Variants in TVP23C observed in about 807,000 individuals in gnomAD.
TVP23C encodes Golgi apparatus membrane protein TVP23 homolog C.
A neutral mutation model predicts 28.7 loss-of-function variants in TVP23C; 19 were observed. That is an observed-to-expected ratio of 0.66 (90% confidence interval 0.46 to 0.97). The LOEUF (loss-of-function observed/expected upper bound fraction) is 0.97. Among genes scored for constraint, TVP23C ranks in the 50% least tolerant of loss-of-function variants. TVP23C has a pLI of 0.00. For synonymous variants in TVP23C, 68 were observed against 81.7 expected (o/e 0.83, Z 0.90); for missense variants, 186 against 241.3 (o/e 0.77, Z 1.52).
At position 15,562,343 on chromosome 17, in the gene TVP23C, C is replaced by G. The variant is rs544359098; in HGVS notation, c.12+1094G>C. 2.4e-3 allele frequency: 359 copies of G among 152,682 alleles called. 1 individual carries two copies. The highest frequency in any genetic ancestry group is 4.1e-3 in the Non-Finnish European group (283 of 68,348). 9.5% of individuals were successfully genotyped at this position (152,682 alleles called of 1,614,324 possible). On this transcript the variant is annotated intron_variant, in intron 1 of 5. Coordinates refer to ENST00000518321, the MANE Select transcript of TVP23C (RefSeq NM_001135036.2). ...AAGCGATTCTCCTGCCTCAGCCTCCCGAGTAGCTGGGACTACAGGCGTGCA... is the reference window on the plus strand; with the variant it reads ...AAGCGATTCTCCTGCCTCAGCCTCCGGAGTAGCTGGGACTACAGGCGTGCA...
intron 3 of TVP23C, among the ~76,000 whole-genome samples, chr17:15,552,196 C>G (rs567793616): frequency 3.9e-5 from 6 of 152,230 alleles, no homozygotes; most frequent in Non-Finnish European, 8.8e-5. Flanking sequence ...AAACGTGTAT[C>G]AAAACTGTGA....
intron 5 of TVP23C, among the ~76,000 whole-genome samples, chr17:15,542,368 T>C (rs986627391): frequency 6.6e-6 from 1 of 152,218 alleles, no homozygotes; most frequent in African/African-American, 2.4e-5. Context: ...TGAGAGATGA[T>C]CATCTTAAGA....
chr17:15,553,636 A>G (rs746723874), intron 3 of TVP23C, 49 bp downstream of exon 3: 2 of 1,551,300 alleles, frequency 1.3e-6, no homozygotes, highest in South Asian at 2.5e-5. Context: ...ATTTTTATAC[A>G]TCATTTTCAT....
chr17:15,548,259 C>T (rs1327579349), intron 3 of TVP23C, among the ~76,000 whole-genome samples: 3 of 152,164 alleles, frequency 2.0e-5, no homozygotes, highest in East Asian at 1.9e-4. Flanking sequence ...CTCTGCCTCC[C>T]GGGTTCAAAC....
Position 15,563,450 on chromosome 17 carries a change from G to A in TVP23C, c.-2C>T. ...TCAGCCCCTCACCTGCTGCAACATGGCGGCCCTACGCCAGCCCTGCTTCCA... is the reference window on the plus strand; with the variant it reads ...TCAGCCCCTCACCTGCTGCAACATGACGGCCCTACGCCAGCCCTGCTTCCA... On this transcript the variant is annotated 5_prime_UTR_variant, in exon 1 of 6. Coordinates refer to ENST00000518321, the MANE Select transcript of TVP23C (RefSeq NM_001135036.2). The A allele has an allele frequency of 1.3e-6, 2 of 1,588,926 alleles. No individual in the cohort carries two copies. The highest frequency in any genetic ancestry group is 8.6e-7 in the Non-Finnish European group (1 of 1,169,492).
intron 5 of TVP23C, among the ~76,000 whole-genome samples, chr17:15,527,752 G>A (rs1982786347): frequency 6.6e-6 from 1 of 152,038 alleles, no homozygotes; most frequent in Non-Finnish European, 1.5e-5. Flanking sequence ...AGATCTGCCT[G>A]AATCAAATAC....
chr17:15,513,920 A>T (rs1187098968), intron 5 of TVP23C, among the ~76,000 whole-genome samples: 4 of 152,244 alleles, frequency 2.6e-5, no homozygotes, highest in African/African-American at 4.8e-5. Context: ...GGATGTAGAA[A>T]GTGCTTTCCA....
In TVP23C at chr17:15,537,941, C is replaced by A; in HGVS notation, c.*2471G>T. 1.4e-6 allele frequency: 2 copies of A among 1,446,528 alleles called. No individual in the cohort carries two copies. Among genetic ancestry groups the A allele is most frequent in the South Asian group, 1.6e-5 (1 of 64,492 alleles). The allele number at this position is 1,446,528 out of a possible 1,614,324, so 89.6% of individuals were successfully genotyped here. On this transcript the variant is annotated 3_prime_UTR_variant, in exon 6 of 6. Transcript: ENST00000518321. ...TCTAGTGCCAACATATACTTTCTAG[C>A]CCCAACTGCTGGAAAGGAAATAAAA... is the stretch of plus-strand genomic sequence containing the variant.
intron 5 of TVP23C, among the ~76,000 whole-genome samples, chr17:15,544,951 C>T (rs1435706338): frequency 1.3e-5 from 2 of 151,826 alleles, no homozygotes; most frequent in Non-Finnish European, 2.9e-5. Context: ...AAAATTCACA[C>T]AATATTTATT....
At chr17:15,557,567 G>T (rs1359064322) in intron 1 of TVP23C, among the ~76,000 whole-genome samples, 1 of 148,652 alleles carries the variant, frequency 6.7e-6, no homozygotes, top group African/African-American at 2.4e-5. Flanking sequence ...CCATAGTGCT[G>T]GGATTATAGG....
At chr17:15,563,391 C>T (rs1462160712) in intron 1 of TVP23C, 46 bp downstream of exon 1, 1 of 1,573,988 alleles carries the variant, frequency 6.4e-7, no homozygotes, top group African/African-American at 1.3e-5. Context: ...CCTGCAGAGC[C>T]AGTCCCAGGA....
chr17:15,524,460 T>C (rs1216399266), intron 5 of TVP23C, among the ~76,000 whole-genome samples: 2 of 152,278 alleles, frequency 1.3e-5, no homozygotes, highest in East Asian at 1.9e-4. Flanking sequence ...GACAGGATTC[T>C]TGGAGGCAGT....
chr17:15,531,061 G>C (rs930182316), intron 5 of TVP23C: 3 of 152,216 alleles, frequency 2.0e-5, no homozygotes, highest in African/African-American at 4.8e-5. Context: ...AGTTTTGAAG[G>C]ATAGTTTTGC....
At chr17:15,524,245 T>C (rs936655140) in intron 5 of TVP23C, among the ~76,000 whole-genome samples, 2 of 152,278 alleles carry the variant, frequency 1.3e-5, no homozygotes, top group South Asian at 2.1e-4. Context: ...ATATTCTCTA[T>C]TGACAAATTT....
chr17:15,507,262 G>C (rs1369336596), intron 5 of TVP23C: 1 of 741,882 alleles, frequency 1.3e-6, no homozygotes, highest in Admixed American at 1.8e-5. Flanking sequence ...GTGAGAGAAG[G>C]CATGAATATT....
At position 15,553,802 on chromosome 17, in the gene TVP23C, T is replaced by G. The variant is rs1223484201; in HGVS notation, c.123A>C (p.Leu41Phe). The G allele has an allele frequency of 6.2e-7, 1 of 1,613,804 alleles. No individual in the cohort carries two copies. The highest frequency in any genetic ancestry group is 1.7e-5 in the Admixed American group (1 of 59,998). ...CGATGATTGCACTGACTCGAAAGAATAAGTGGAAAAACGATGCTACTGGAT... is the reference window on the plus strand; with the variant it reads ...CGATGATTGCACTGACTCGAAAGAAGAAGTGGAAAAACGATGCTACTGGAT... ...IRHPVASFFH[L>F]FFRVSAIIVC... The change falls in exon 3 of 6, where the codon TTA becomes TTC. Residue 41 changes from leucine (L) to phenylalanine (F), a missense_variant. Coordinates refer to ENST00000518321, the MANE Select transcript of TVP23C (RefSeq NM_001135036.2).
chr17:15,523,946 A>C (rs1307901900), intron 5 of TVP23C, among the ~76,000 whole-genome samples: 2 of 152,202 alleles, frequency 1.3e-5, no homozygotes, highest in Non-Finnish European at 2.9e-5. Flanking sequence ...CAAGAAGACA[A>C]AGGTTAAATA....
chr17:15,552,369 C>T lies in TVP23C; in HGVS notation c.240+1316G>A, dbSNP rs1567643609. ...CGGAAACTGGCCATCACCAAGCCAA[C>T]CACTTCAGATATCTTTAAGAATTAA... On this transcript the variant is annotated intron_variant, in intron 3 of 5. Coordinates refer to ENST00000518321, the MANE Select transcript of TVP23C (RefSeq NM_001135036.2). Among the ~76,000 whole-genome samples the T allele has an allele frequency of 3.3e-5, 5 of 152,300 alleles. No individual in the cohort carries two copies. The South Asian group carries it at 1.0e-3, about 32-fold the overall frequency.
At chr17:15,552,420 G>A (rs1028466324) in intron 3 of TVP23C, among the ~76,000 whole-genome samples, 34 of 152,334 alleles carry the variant, frequency 2.2e-4, no homozygotes, top group African/African-American at 6.5e-4. Flanking sequence ...AGTGGCTCAC[G>A]CCTGTAATCC....
Sources: gnomAD v4.1 joint callset for allele counts (sites outside exome capture counted in the v4.1 genomes callset) on GRCh38, gnomAD v4.1.1 for gene constraint, MANE v1.5 for transcripts, NCBI Gene and HGNC (gene_info 2026-07-23, HGNC 2026-07-21) for gene names.